The following CPED1 variants were observed in gnomAD, a reference collection of about 807,000 sequenced individuals.
CPED1 encodes cadherin like and PC-esterase domain containing 1, also known as cadherin-like and PC-esterase domain-containing protein 1.
CPED1 carries 114 observed loss-of-function variants against 128.2 expected under a neutral mutation model. The ratio of observed to expected loss-of-function variants is 0.89; its 90% confidence interval spans 0.76 to 1.04. The LOEUF (loss-of-function observed/expected upper bound fraction) is 1.04. Ranked by LOEUF, CPED1 falls within the 50% of genes least tolerant of loss-of-function variation. The pLI is 0.00. For synonymous variants in CPED1, 462 were observed against 426.7 expected (o/e 1.08, Z -1.02); for missense variants, 1,211 against 1,207.1 (o/e 1.00, Z -0.05).
rs537163748 is a variant in CPED1, at chr7:121,266,569, G to A, written c.2531+122G>A. On this transcript the variant is annotated intron_variant, in intron 19 of 22. Transcript: ENST00000310396. ...GCTCAAAAGGTTAGATACCAAGTAA[G>A]GCAGCAGAAAACAAGTTGGAAAGTA... 1.0e-5 allele frequency: 12 copies of A among 1,178,956 alleles called. No homozygotes were observed. The East Asian group carries it at 1.4e-4, about 14-fold the overall frequency. 73.0% of individuals were successfully genotyped at this position (1,178,956 alleles called of 1,614,324 possible).
At chr7:121,253,210 G>A (rs917301476) in intron 18 of CPED1, among the ~76,000 whole-genome samples, 1 of 150,502 alleles carries the variant, frequency 6.6e-6, no homozygotes. Context: ...ACTATCACAA[G>A]GACAAAAAAC....
rs746444631 is a variant in CPED1 at position 121,267,280 on chromosome 7, A to T, written c.2699A>T (p.Asp900Val). 3.8e-6 allele frequency: 6 copies of T among 1,591,628 alleles called. No individual in the cohort carries two copies. Among genetic ancestry groups the T allele is most frequent in the Admixed American group, 1.7e-5 (1 of 58,962 alleles). Residue 900 changes from aspartate to valine, a missense_variant, in exon 21 of 23, where the codon GAT (aspartate) becomes GTT (valine). By Grantham distance (152) the Asp-to-Val change is radical. Transcript: ENST00000310396. ...GGAATTGGATTTCATCTGCCAGTGG[A>T]TGGAGTACATTTCTTAACACAGGTA... ...TLGIGFHLPV[D>V]GVHFLTQSEV... is the part of the protein sequence containing the mutation.
chr7:121,007,230 C>CTTTTTTTTTTTTTTTTTTTTTT (rs147867549), intron 2 of CPED1, among the ~76,000 whole-genome samples: 2 of 115,848 alleles, frequency 1.7e-5, no homozygotes. Context: ...GTTCAGGTTG[C>CTTTTTTTTTTTTTTTTTTTTTT]ATTTTTTTTT....
chr7:121,156,827 A>T (rs1422467924), intron 16 of CPED1, among the ~76,000 whole-genome samples: 1 of 152,186 alleles, frequency 6.6e-6, no homozygotes, highest in African/African-American at 2.4e-5. Context: ...GTGATCTCTC[A>T]TGGCTCGTAC....
intron 11 of CPED1, among the ~76,000 whole-genome samples, chr7:121,129,313 GTATATATATATATATA>G: frequency 3.7e-5 from 1 of 26,848 alleles, no homozygotes; most frequent in East Asian, 2.7e-3. Context: ...ATATATATAC[GTATATATATATATATA>G]TATATACGTA....
intron 16 of CPED1, among the ~76,000 whole-genome samples, chr7:121,229,893 G>T (rs1288567799): frequency 2.0e-5 from 3 of 151,976 alleles, no homozygotes; most frequent in Non-Finnish European, 4.4e-5. Context: ...AAACATCACA[G>T]AAAGTAGCAC....
At chr7:121,280,640 A>C (rs1792444147) in intron 22 of CPED1, among the ~76,000 whole-genome samples, 1 of 152,172 alleles carries the variant, frequency 6.6e-6, no homozygotes, top group Non-Finnish European at 1.5e-5. Flanking sequence ...CCTTCAATCA[A>C]AACACAGTTT....
At chr7:121,271,999 G>C (rs1792241293) in intron 22 of CPED1, among the ~76,000 whole-genome samples, 1 of 152,078 alleles carries the variant, frequency 6.6e-6, no homozygotes, top group Non-Finnish European at 1.5e-5. Context: ...TGAACCTTCT[G>C]TGGATTACTT....
intron 6 of CPED1, among the ~76,000 whole-genome samples, chr7:121,098,948 TGAA>T (rs1794772568): frequency 6.6e-6 from 1 of 150,868 alleles, no homozygotes; most frequent in African/African-American, 2.4e-5. Context: ...TCATTTATGA[TGAA>T]AGCATATTTG....
At chr7:121,167,443 C>G (rs550988007) in intron 16 of CPED1, among the ~76,000 whole-genome samples, 2 of 152,206 alleles carry the variant, frequency 1.3e-5, no homozygotes, top group African/African-American at 2.4e-5. Flanking sequence ...CCTTCACCCT[C>G]CACTAGTTCT....
At chr7:121,036,603 T>C (rs1792900272) in intron 3 of CPED1, among the ~76,000 whole-genome samples, 1 of 151,748 alleles carries the variant, frequency 6.6e-6, no homozygotes, top group South Asian at 2.1e-4. Context: ...ATAAACATGC[T>C]TGTGTAAGTA....
intron 16 of CPED1, among the ~76,000 whole-genome samples, chr7:121,189,760 TTATATATATATATATATATATATA>T (rs377035175): frequency 8.4e-5 from 4 of 47,476 alleles, no homozygotes; most frequent in South Asian, 1.1e-3. Context: ...TTATGAGGTT[TTATATATATATATATATATATATA>T]TATATATATA....
At chr7:121,099,176 A>C (rs1029023206) in intron 6 of CPED1, among the ~76,000 whole-genome samples, 2 of 152,008 alleles carry the variant, frequency 1.3e-5, no homozygotes, top group African/African-American at 4.8e-5. Context: ...TTTCTAGAGA[A>C]GAAAAAATAG....
intron 6 of CPED1, 80 bp downstream of exon 6, chr7:121,097,911 T>C (rs1172639096): frequency 1.4e-6 from 2 of 1,419,408 alleles, no homozygotes; most frequent in East Asian, 2.3e-5. Context: ...AGAACAGATA[T>C]GGGGGGTTCA....
intron 16 of CPED1, among the ~76,000 whole-genome samples, chr7:121,148,798 A>G (rs1464674217): frequency 6.6e-6 from 1 of 152,210 alleles, no homozygotes; most frequent in Non-Finnish European, 1.5e-5. Flanking sequence ...AATAAATATT[A>G]CATTTTACAA....
At chr7:120,993,942 C>T (rs1054843017) in intron 2 of CPED1, 7 of 326,090 alleles carry the variant, frequency 2.1e-5, no homozygotes, top group Admixed American at 3.3e-5. Flanking sequence ...TAGAGAAGCT[C>T]GCCCCTGGGT....
chr7:121,210,012 A>G (rs536743049), intron 16 of CPED1, among the ~76,000 whole-genome samples: 2 of 152,168 alleles, frequency 1.3e-5, no homozygotes, highest in South Asian at 2.1e-4. Context: ...CTGAATAGAT[A>G]TTTTTCAAAA....
intron 16 of CPED1, among the ~76,000 whole-genome samples, chr7:121,146,763 T>C (rs1370094496): frequency 6.6e-6 from 1 of 152,222 alleles, no homozygotes; most frequent in Non-Finnish European, 1.5e-5. Context: ...GTTATTTTTA[T>C]GCTAACTAGA....
At chr7:121,287,916 A>G (rs1792618376) in intron 22 of CPED1, among the ~76,000 whole-genome samples, 1 of 152,198 alleles carries the variant, frequency 6.6e-6, no homozygotes, top group Non-Finnish European at 1.5e-5. Context: ...TTTCTTACTA[A>G]TTATGTATAG....
Sources: gnomAD v4.1 joint callset for allele counts (sites outside exome capture counted in the v4.1 genomes callset) on GRCh38, gnomAD v4.1.1 for gene constraint, MANE v1.5 for transcripts, NCBI Gene and HGNC (gene_info 2026-07-23, HGNC 2026-07-21) for gene names.